Variants in PLCB4 observed in about 807,000 individuals in gnomAD.
The protein encoded by PLCB4 is phospholipase C beta 4, also known as 1-phosphatidylinositol 4,5-bisphosphate phosphodiesterase beta-4.
Under a neutral mutation model 178.8 loss-of-function variants are expected in PLCB4, and 77 were observed. The ratio of observed to expected loss-of-function variants is 0.43; its 90% CI spans 0.36 to 0.52. The LOEUF (loss-of-function observed/expected upper bound fraction) is 0.52. PLCB4 is among the 20% of genes least tolerant of loss of function. The probability of loss-of-function intolerance (pLI) is 0.00; values close to 1 mark genes in which losing one functional copy is unlikely to be tolerated. For synonymous variants in PLCB4, 496 were observed against 490.8 expected (o/e 1.01, Z -0.14); for missense variants, 1,024 against 1,453.4 (o/e 0.70, Z 4.80).
intron 3 of PLCB4, among the ~76,000 whole-genome samples, chr20:9,302,105 T>C (rs1368951061): frequency 6.6e-6 from 1 of 151,946 alleles, no homozygotes; most frequent in African/African-American, 2.4e-5. Flanking sequence ...ATCTTGTAAG[T>C]GAGGCCTTGG....
chr20:9,216,372 C>T (rs531262692), intron 2 of PLCB4, among the ~76,000 whole-genome samples: 12 of 152,228 alleles, frequency 7.9e-5, no homozygotes, highest in African/African-American at 2.9e-4. Context: ...CGCCTGCCAC[C>T]ATGCCCGGCT....
intron 4 of PLCB4, among the ~76,000 whole-genome samples, chr20:9,334,759 G>T (rs1039479804): frequency 3.9e-5 from 6 of 152,062 alleles, no homozygotes; most frequent in African/African-American, 9.7e-5. Flanking sequence ...AATCAAAAGG[G>T]ATATTTGACT....
At chr20:9,299,398 C>G (rs1328970475) in intron 3 of PLCB4, among the ~76,000 whole-genome samples, 4 of 151,944 alleles carry the variant, frequency 2.6e-5, no homozygotes, top group Non-Finnish European at 5.9e-5. Flanking sequence ...CATCAGCTAG[C>G]TGTAACTACT....
intron 3 of PLCB4, among the ~76,000 whole-genome samples, chr20:9,249,473 A>T (rs1433071207): frequency 6.6e-6 from 1 of 151,786 alleles, no homozygotes; most frequent in East Asian, 1.9e-4. Context: ...ATGCCCAACT[A>T]ATTTTTATTT....
intron 30 of PLCB4, 93 bp downstream of exon 30, chr20:9,437,245 A>C: frequency 8.4e-7 from 1 of 1,197,288 alleles, no homozygotes; most frequent in Non-Finnish European, 1.2e-6. Flanking sequence ...ATAAATTCGA[A>C]GTTCTTTGTG....
rs931598945 is a variant in PLCB4, at chr20:9,197,153, G to A, written c.-78-20237G>A. On this transcript the variant is annotated intron_variant, in intron 2 of 39. Transcript: ENST00000378473. ...ACCAGAACTTAGAGAATTATTAGAT[G>A]CCTCCAGGTAAACGACCATGTGGGC... Among the ~76,000 whole-genome samples, 3 of 152,158 alleles carry A rather than the reference G, an allele frequency of 2.0e-5. No homozygotes were observed. The East Asian group carries it at 5.8e-4, about 29-fold the overall frequency.
chr20:9,468,789 G>A lies in PLCB4; in HGVS notation c.3350+117G>A, dbSNP rs180927914. The A allele has an allele frequency of 1.7e-3, 985 of 593,140 alleles. 7 individuals carry two copies. Among genetic ancestry groups the A allele is most frequent in the Non-Finnish European group, 1.2e-3 (387 of 328,406 alleles). 36.7% of individuals were successfully genotyped at this position (593,140 alleles called of 1,614,324 possible). ...AGACAGCAAAACACTTGTGGCTTTT[G>A]ACTAGGAATTCTGCTATTATAACTG... On this transcript the variant is annotated intron_variant, in intron 36 of 39. Transcript: ENST00000378473.
At chr20:9,102,928 A>C (rs146141941) in intron 2 of PLCB4, among the ~76,000 whole-genome samples, 223 of 152,290 alleles carry the variant, frequency 1.5e-3, no homozygotes, top group Non-Finnish European at 2.9e-3. Flanking sequence ...CATATAAGCT[A>C]TGAAGGCAAT....
chr20:9,471,969 T>C (rs895973258), intron 36 of PLCB4, among the ~76,000 whole-genome samples: 7 of 152,220 alleles, frequency 4.6e-5, no homozygotes, highest in Non-Finnish European at 7.3e-5. Flanking sequence ...TGTCAGGTAT[T>C]ACAGGGCCCA....
intron 7 of PLCB4, among the ~76,000 whole-genome samples, chr20:9,349,937 A>T (rs1248056508): frequency 6.6e-6 from 1 of 152,164 alleles, no homozygotes; most frequent in African/African-American, 2.4e-5. Flanking sequence ...TGGCAAAATT[A>T]AAAACTGGAT....
chr20:9,228,440 AC>A (rs2093892721), intron 3 of PLCB4, among the ~76,000 whole-genome samples: 1 of 152,228 alleles, frequency 6.6e-6, no homozygotes, highest in South Asian at 2.1e-4. Flanking sequence ...TTTGGAAAGA[AC>A]TTTTGTCTGT....
intron 1 of PLCB4, among the ~76,000 whole-genome samples, chr20:9,073,033 T>C (rs2089649473): frequency 6.6e-6 from 1 of 152,126 alleles, no homozygotes; most frequent in Non-Finnish European, 1.5e-5. Flanking sequence ...CCTTCAAAGC[T>C]CAAAGGATCT....
At chr20:9,072,775 C>T (rs1027525349) in intron 1 of PLCB4, among the ~76,000 whole-genome samples, 1 of 152,104 alleles carries the variant, frequency 6.6e-6, no homozygotes, top group Non-Finnish European at 1.5e-5. Context: ...AATGCTGTAC[C>T]TTTCAAATCT....
intron 35 of PLCB4, among the ~76,000 whole-genome samples, chr20:9,461,938 G>A (rs1403888841): frequency 3.9e-5 from 6 of 152,144 alleles, no homozygotes; most frequent in Admixed American, 6.6e-5. Context: ...CTCTGAGAAC[G>A]GACAGACTGC....
At chr20:9,070,187 G>T (rs2089495372) in intron 1 of PLCB4, among the ~76,000 whole-genome samples, 1 of 152,148 alleles carries the variant, frequency 6.6e-6, no homozygotes, top group Non-Finnish European at 1.5e-5. Flanking sequence ...CCCTTAAAGA[G>T]AAATCAGATT....
intron 2 of PLCB4, among the ~76,000 whole-genome samples, chr20:9,185,569 T>C (rs1160488945): frequency 6.6e-6 from 1 of 152,270 alleles, no homozygotes; most frequent in East Asian, 1.9e-4. Flanking sequence ...TAGCCTGTTC[T>C]GCACTCAGCA....
At chr20:9,232,104 C>G (rs2093939392) in intron 3 of PLCB4, among the ~76,000 whole-genome samples, 1 of 152,076 alleles carries the variant, frequency 6.6e-6, no homozygotes, top group Non-Finnish European at 1.5e-5. Context: ...AAAGGCAGAT[C>G]TAATCCATAG....
chr20:9,266,301 T>G (rs2094348573), intron 3 of PLCB4, among the ~76,000 whole-genome samples: 1 of 152,212 alleles, frequency 6.6e-6, no homozygotes, highest in South Asian at 2.1e-4. Flanking sequence ...TATGTTTGTT[T>G]GTTTAACAAG....
At position 9,245,395 on chromosome 20, in the gene PLCB4, A is replaced by G. The variant is rs1336114252; in HGVS notation, c.-16+27943A>G. ...CAAATCCCTGGAATCTGTGAATGTTACCTTCTATGGCAAAAGATGTGATTA... is the reference window on the plus strand; with the variant it reads ...CAAATCCCTGGAATCTGTGAATGTTGCCTTCTATGGCAAAAGATGTGATTA... On this transcript the variant is annotated intron_variant, in intron 3 of 39. Transcript: ENST00000378473. 3.3e-5 allele frequency among the ~76,000 whole-genome samples: 5 copies of G among 152,306 alleles called. No individual in the cohort carries two copies. In the East Asian group the frequency reaches 9.6e-4, roughly 29 times the overall value.
Sources: allele counts gnomAD v4.1 joint callset (sites outside exome capture counted in the v4.1 genomes callset), GRCh38; gene constraint gnomAD v4.1.1; transcripts MANE v1.5; gene names NCBI Gene and HGNC (gene_info 2026-07-23, HGNC 2026-07-21).